The following ARL13B variants were observed in gnomAD, a reference collection of about 807,000 sequenced individuals.
ARL13B encodes the protein ARF like GTPase 13B, also known as ADP-ribosylation factor-like protein 13B.
Under a neutral mutation model 56.1 loss-of-function variants are expected in ARL13B, and 36 were observed. The ratio of observed to expected loss-of-function variants is 0.64; its 90% CI spans 0.49 to 0.85. ARL13B has a LOEUF of 0.85. ARL13B is among the 40% of genes least tolerant of loss of function. The pLI is 0.00. For synonymous variants in ARL13B, 178 were observed against 171.1 expected (o/e 1.04, Z -0.32); for missense variants, 519 against 507.1 (o/e 1.02, Z -0.23).
chr3:94,017,668 A>G (rs899644061), intron 3 of ARL13B, among the ~76,000 whole-genome samples: 1 of 152,250 alleles, frequency 6.6e-6, no homozygotes, highest in African/African-American at 2.4e-5. Flanking sequence ...ACAATTTAAA[A>G]GATAAACGGG....
At chr3:94,041,020 G>A (rs965047931) in intron 6 of ARL13B, among the ~76,000 whole-genome samples, 1 of 151,346 alleles carries the variant, frequency 6.6e-6, no homozygotes, top group Admixed American at 6.6e-5. Context: ...TACACTTAAC[G>A]CTTTGAAACT....
intron 3 of ARL13B, among the ~76,000 whole-genome samples, chr3:94,028,094 G>A (rs1412703501): frequency 6.6e-6 from 1 of 152,098 alleles, no homozygotes; most frequent in African/African-American, 2.4e-5. Flanking sequence ...TTTTTTAAAT[G>A]AGAGCTTACT....
rs150014762 is a variant in ARL13B, at chr3:94,049,559, T to C, written c.1141+37T>C. On this transcript the variant is annotated intron_variant, in intron 8 of 9. Coordinates refer to ENST00000394222, the MANE Select transcript of ARL13B (RefSeq NM_001174150.2). ...GATACTGATACTGAATTTAGAAATA[T>C]TGCTTTAAACAACAGAGAAAAAAAA... is the stretch of plus-strand genomic sequence containing the variant. 436 of 1,336,780 alleles carry C rather than the reference T, an allele frequency of 3.3e-4. 2 individuals carry two copies. The highest frequency in any genetic ancestry group is 4.2e-4 in the Non-Finnish European group (401 of 945,756). 82.8% of individuals were successfully genotyped at this position (1,336,780 alleles called of 1,614,324 possible). A position where few individuals can be genotyped will look rare whatever the true frequency, so the allele number is the denominator to read the frequency against.
chr3:94,017,161 T>C (rs2076350943), intron 3 of ARL13B, among the ~76,000 whole-genome samples: 1 of 152,164 alleles, frequency 6.6e-6, no homozygotes, highest in African/African-American at 2.4e-5. Context: ...TGGAAAACCA[T>C]ACCAAATGGA....
chr3:94,002,034 C>G (rs2076064340), intron 2 of ARL13B, among the ~76,000 whole-genome samples: 1 of 152,186 alleles, frequency 6.6e-6, no homozygotes, highest in African/African-American at 2.4e-5. Context: ...CACTAAGGTG[C>G]TTACCAAGAG....
At chr3:94,032,936 C>T (rs1379149265) in intron 3 of ARL13B, among the ~76,000 whole-genome samples, 1 of 152,196 alleles carries the variant, frequency 6.6e-6, no homozygotes, top group Non-Finnish European at 1.5e-5. Context: ...CAGCATTATT[C>T]ACAGTAGCAA....
intron 7 of ARL13B, among the ~76,000 whole-genome samples, chr3:94,045,868 G>A (rs980949818): frequency 6.7e-5 from 10 of 148,834 alleles, no homozygotes; most frequent in Non-Finnish European, 1.5e-4. Context: ...GGAAAATGGC[G>A]TGAACCTGGG....
chr3:93,981,045 TTTC>T (rs1239347819), intron 1 of ARL13B, among the ~76,000 whole-genome samples: 2 of 152,214 alleles, frequency 1.3e-5, no homozygotes, highest in African/African-American at 4.8e-5. Context: ...GTGATAGTGT[TTTC>T]TTAACTGTAA....
intron 1 of ARL13B, among the ~76,000 whole-genome samples, chr3:93,981,647 C>T (rs952129683): frequency 6.6e-6 from 1 of 151,678 alleles, no homozygotes; most frequent in Non-Finnish European, 1.5e-5. Flanking sequence ...TTTGGGAGGC[C>T]GAAGCTGGCC....
chr3:94,016,751 AT>A (rs1011264707), intron 3 of ARL13B, among the ~76,000 whole-genome samples: 2 of 150,348 alleles, frequency 1.3e-5, no homozygotes, highest in African/African-American at 4.9e-5. Flanking sequence ...GGTTTAAGTG[AT>A]TCTCCTGCCT....
intron 3 of ARL13B, among the ~76,000 whole-genome samples, chr3:94,018,799 T>C (rs183091091): frequency 6.6e-6 from 1 of 152,270 alleles, no homozygotes; most frequent in East Asian, 1.9e-4. Flanking sequence ...CGAGTCTCAC[T>C]CTGTCCCCTA....
chr3:94,040,814 CTG>C (rs1441528918), intron 6 of ARL13B, among the ~76,000 whole-genome samples: 2 of 151,760 alleles, frequency 1.3e-5, no homozygotes, highest in Non-Finnish European at 2.9e-5. Flanking sequence ...CAATTATTCT[CTG>C]TGTATAATAA....
intron 3 of ARL13B, 141 bp downstream of exon 3, chr3:94,004,049 A>T: frequency 7.7e-7 from 1 of 1,294,366 alleles, no homozygotes; most frequent in South Asian, 1.3e-5. Flanking sequence ...GGGAGTTGTT[A>T]ATTTACTGAG....
chr3:94,020,962 C>A (rs1270469883), intron 3 of ARL13B, among the ~76,000 whole-genome samples: 1 of 151,798 alleles, frequency 6.6e-6, no homozygotes, highest in Non-Finnish European at 1.5e-5. Flanking sequence ...TGTCTATATT[C>A]TACTTTACTG....
chr3:94,022,784 A>T (rs2076475357), intron 3 of ARL13B, among the ~76,000 whole-genome samples: 1 of 152,100 alleles, frequency 6.6e-6, no homozygotes, highest in South Asian at 2.1e-4. Context: ...TTTTTCACAA[A>T]GTAAATACAT....
intron 3 of ARL13B, among the ~76,000 whole-genome samples, chr3:94,020,017 T>C (rs1164667955): frequency 6.6e-6 from 1 of 152,212 alleles, no homozygotes. Context: ...TTATTTTTCT[T>C]AGCATTTTTC....
chr3:94,037,119 A>C (rs1187029975), intron 5 of ARL13B, among the ~76,000 whole-genome samples: 2 of 152,166 alleles, frequency 1.3e-5, no homozygotes, highest in Non-Finnish European at 2.9e-5. Flanking sequence ...GAAGGAGTGG[A>C]GTACTACTTG....
intron 5 of ARL13B, 62 bp downstream of exon 5, chr3:94,036,816 A>G (rs2076777344): frequency 6.6e-7 from 1 of 1,516,758 alleles, no homozygotes; most frequent in African/African-American, 1.4e-5. Context: ...CAATTTTATG[A>G]ATCAGTTGTT....
At chr3:94,014,606 A>G (rs1156982463) in intron 3 of ARL13B, 1 of 1,613,040 alleles carries the variant, frequency 6.2e-7, no homozygotes, top group Non-Finnish European at 8.5e-7. Flanking sequence ...TGGTTCTCCA[A>G]ATTAACAAGT....
Sources: allele counts gnomAD v4.1 joint callset (sites outside exome capture counted in the v4.1 genomes callset), GRCh38; gene constraint gnomAD v4.1.1; transcripts MANE v1.5; gene names NCBI Gene and HGNC (gene_info 2026-07-23, HGNC 2026-07-21).